The following RUNX1T1 variants were observed in gnomAD, a reference collection of about 807,000 sequenced individuals.
The protein encoded by RUNX1T1 is RUNX1 partner transcriptional co-repressor 1, also known as protein CBFA2T1.
Under a neutral mutation model 62.8 loss-of-function variants are expected in RUNX1T1, and 4 were observed. The ratio of observed to expected loss-of-function variants is 0.06; its 90% CI spans 0.03 to 0.15. The LOEUF (loss-of-function observed/expected upper bound fraction) is 0.15. Among genes scored for constraint, RUNX1T1 ranks in the 10% least tolerant of loss-of-function variants. The pLI is 1.00. For synonymous variants in RUNX1T1, 291 were observed against 286.0 expected (o/e 1.02, Z -0.18); for missense variants, 508 against 754.3 (o/e 0.67, Z 3.82).
chr8:92,079,241 A>C (rs1443579983), intron 1 of RUNX1T1, among the ~76,000 whole-genome samples: 1 of 152,242 alleles, frequency 6.6e-6, no homozygotes, highest in Non-Finnish European at 1.5e-5. Flanking sequence ...CCTTCATAGA[A>C]ACATTTTATA....
chr8:91,999,016 T>C (rs1819255825), intron 5 of RUNX1T1, among the ~76,000 whole-genome samples: 1 of 152,240 alleles, frequency 6.6e-6, no homozygotes, highest in African/African-American at 2.4e-5. Flanking sequence ...AGTGTTTTGC[T>C]TTGTTTTAGG....
At chr8:91,969,457 TCTC>T (rs1013423066) in intron 10 of RUNX1T1, among the ~76,000 whole-genome samples, 3 of 151,288 alleles carry the variant, frequency 2.0e-5, no homozygotes, top group African/African-American at 7.3e-5. Context: ...AAGGACAAAT[TCTC>T]CTCAAAAGAT....
chr8:91,992,727 C>G (rs971481126), intron 5 of RUNX1T1, among the ~76,000 whole-genome samples: 5 of 152,132 alleles, frequency 3.3e-5, no homozygotes, highest in Non-Finnish European at 7.4e-5. Context: ...ACCCAGAGAG[C>G]TAATGTATCC....
downstream of RUNX1T1, chr8:91,956,970 T>TAA (rs376835776): frequency 1.7e-4 from 18 of 104,272 alleles, no homozygotes; most frequent in East Asian, 4.0e-4. Flanking sequence ...CACCTACACA[T>TAA]AAAAAAAAAA....
At chr8:92,025,754 A>T (rs1038615942) in intron 1 of RUNX1T1, among the ~76,000 whole-genome samples, 17 of 152,230 alleles carry the variant, frequency 1.1e-4, no homozygotes, top group African/African-American at 3.6e-4. Flanking sequence ...CTCAAGATGA[A>T]ATCATCTATG....
chr8:92,007,416 G>A (rs763974863), intron 4 of RUNX1T1, among the ~76,000 whole-genome samples: 4 of 151,740 alleles, frequency 2.6e-5, no homozygotes, highest in Non-Finnish European at 4.4e-5. Flanking sequence ...GCAGTGAGCC[G>A]AGATTATACC....
rs769364144 is a variant in RUNX1T1, at chr8:91,975,972, G to A, written c.1200C>T (p.Asp400=). The A allele has an allele frequency of 2.2e-5, 36 of 1,610,780 alleles. No individual in the cohort carries two copies. In the Admixed American group the frequency reaches 3.0e-4, roughly 13 times the overall value. The change falls in exon 9 of 11, where the codon GAC becomes GAT. Residue 400 remains aspartate, a splice_region_variant and synonymous_variant. Coordinates refer to ENST00000396218, the Ensembl canonical transcript of RUNX1T1. ...GCCTGTGAAGGAATTCCCGATGCGC[G>A]TCTATGAAAAGGATGGGAAGGGGGT... is the stretch of plus-strand genomic sequence containing the variant.
chr8:92,024,209 A>C (rs1489622787), intron 1 of RUNX1T1, among the ~76,000 whole-genome samples: 1 of 152,140 alleles, frequency 6.6e-6, no homozygotes, highest in South Asian at 2.1e-4. Context: ...ATGCTGATAA[A>C]ATAACCCTGG....
At chr8:91,995,256 T>C (rs1818443011) in intron 5 of RUNX1T1, among the ~76,000 whole-genome samples, 3 of 152,194 alleles carry the variant, frequency 2.0e-5, no homozygotes, top group Admixed American at 6.5e-5. Context: ...TCTTCATCCT[T>C]AGATAAACCC....
chr8:91,963,301 T>C (rs1479081503), intron 10 of RUNX1T1, among the ~76,000 whole-genome samples: 1 of 152,146 alleles, frequency 6.6e-6, no homozygotes, highest in African/African-American at 2.4e-5. Context: ...AAAAACAACC[T>C]TCAGCTGTAG....
intron 1 of RUNX1T1, among the ~76,000 whole-genome samples, chr8:92,031,178 G>C (rs1213769156): frequency 6.6e-6 from 1 of 152,124 alleles, no homozygotes; most frequent in East Asian, 1.9e-4. Context: ...TTGCGATCCA[G>C]GATGCCTTAT....
intron 7 of RUNX1T1, 114 bp downstream of exon 8, chr8:91,986,767 TCAAGGA>T: frequency 4.3e-6 from 3 of 701,758 alleles, no homozygotes; most frequent in Non-Finnish European, 5.1e-6. Context: ...CATTTTTTTT[TCAAGGA>T]TAGCAGGAAA....
chr8:91,975,179 T>C (rs569936364), intron 9 of RUNX1T1, among the ~76,000 whole-genome samples: 23 of 152,234 alleles, frequency 1.5e-4, no homozygotes, highest in Non-Finnish European at 2.5e-4. Flanking sequence ...AGGTTTTTGC[T>C]TGCTAGGTGG....
chr8:92,078,006 G>GAA (rs1834688552), intron 1 of RUNX1T1, among the ~76,000 whole-genome samples: 1 of 152,062 alleles, frequency 6.6e-6, no homozygotes, highest in Non-Finnish European at 1.5e-5. Context: ...TTTTTGAAGT[G>GAA]AATGAAGAAA....
chr8:92,017,488 C>A, intron 1 of RUNX1T1, 125 bp from the exon 3 acceptor site: 1 of 1,552,598 alleles, frequency 6.4e-7, no homozygotes, highest in Non-Finnish European at 8.7e-7. Context: ...ATAAAATACA[C>A]TTATCTACTG....
intron 1 of RUNX1T1, among the ~76,000 whole-genome samples, chr8:92,099,158 C>T (rs1302427632): frequency 2.6e-5 from 4 of 152,118 alleles, no homozygotes; most frequent in Non-Finnish European, 5.9e-5. Context: ...CATAATTTAA[C>T]AAGTTGGGGG....
intron 1 of RUNX1T1, among the ~76,000 whole-genome samples, chr8:92,032,951 T>C (rs1826537085): frequency 6.6e-6 from 1 of 152,186 alleles, no homozygotes; most frequent in East Asian, 1.9e-4. Context: ...CAAGATCTTT[T>C]TTTCATCCAA....
chr8:92,005,465 C>G, intron 4 of RUNX1T1, 168 bp from the exon 6 acceptor site: 2 of 592,384 alleles, frequency 3.4e-6, no homozygotes, highest in Non-Finnish European at 5.8e-6. Flanking sequence ...ACTGGGCTAC[C>G]ATGTGCGCAG....
At chr8:92,072,706 A>G (rs1224121516) in intron 2 of RUNX1T1, among the ~76,000 whole-genome samples, 1 of 152,242 alleles carries the variant, frequency 6.6e-6, no homozygotes, top group African/African-American at 2.4e-5. Flanking sequence ...CAGTGCTACA[A>G]TAAGCTCAAA....
Sources: allele counts gnomAD v4.1 joint callset (sites outside exome capture counted in the v4.1 genomes callset), GRCh38; gene constraint gnomAD v4.1.1; transcripts MANE v1.5; gene names NCBI Gene and HGNC (gene_info 2026-07-23, HGNC 2026-07-21).